SHC3: variants seen among roughly 807,000 people sequenced by gnomAD.
The protein encoded by SHC3 is SHC adaptor protein 3, also known as SHC-transforming protein 3.
In SHC3, 15 loss-of-function variants were observed where a neutral mutation model predicts 60.4. That is an observed-to-expected ratio of 0.25 (90% CI 0.17 to 0.38). The LOEUF (loss-of-function observed/expected upper bound fraction) is 0.38, where lower values mean the gene tolerates loss of function less well. Ranked by LOEUF, SHC3 falls within the 10% of genes least tolerant of loss-of-function variation. The pLI is 1.00. For missense variants in SHC3, 677 were observed against 786.1 expected, an observed-to-expected ratio of 0.86 and a Z score of 1.66; for synonymous variants, 294 against 325.9, an observed-to-expected ratio of 0.90 and a Z score of 1.05.
At chr9:89,061,882 A>G (rs1273937185) in intron 6 of SHC3, among the ~76,000 whole-genome samples, 2 of 152,182 alleles carry the variant, frequency 1.3e-5, no homozygotes, top group African/African-American at 2.4e-5. Context: ...TATCAGATCA[A>G]AAAAACATAG....
chr9:89,104,130 T>G (rs1039726165), intron 2 of SHC3, among the ~76,000 whole-genome samples: 1 of 152,156 alleles, frequency 6.6e-6, no homozygotes, highest in Non-Finnish European at 1.5e-5. Flanking sequence ...AAGTCATCTA[T>G]GTTCTCCATT....
At chr9:89,133,462 G>T (rs1041106085) in intron 1 of SHC3, among the ~76,000 whole-genome samples, 1 of 152,100 alleles carries the variant, frequency 6.6e-6, no homozygotes, top group African/African-American at 2.4e-5. Flanking sequence ...ATATGCACAC[G>T]TATGTTCACT....
At chr9:89,048,869 C>T (rs887546851) in intron 7 of SHC3, among the ~76,000 whole-genome samples, 2 of 152,070 alleles carry the variant, frequency 1.3e-5, no homozygotes, top group South Asian at 2.1e-4. Flanking sequence ...TAGTACCCTG[C>T]GGGACACCAG....
At chr9:89,096,235 T>C (rs962585827) in intron 2 of SHC3, among the ~76,000 whole-genome samples, 2 of 152,192 alleles carry the variant, frequency 1.3e-5, no homozygotes, top group Non-Finnish European at 1.5e-5. Context: ...CATGAGATGA[T>C]TGGAGATTCC....
chr9:89,070,808 T>C (rs1825258000), intron 5 of SHC3, among the ~76,000 whole-genome samples: 1 of 151,914 alleles, frequency 6.6e-6, no homozygotes, highest in African/African-American at 2.4e-5. Context: ...ACTAAGAAAA[T>C]TCACATTCTT....
intron 11 of SHC3, among the ~76,000 whole-genome samples, chr9:89,017,352 C>T (rs2118638133): frequency 6.6e-6 from 1 of 152,286 alleles, no homozygotes; most frequent in South Asian, 2.1e-4. Flanking sequence ...CACACATCTA[C>T]AACCATCTGA....
intron 6 of SHC3, among the ~76,000 whole-genome samples, chr9:89,065,233 C>T (rs1433702410): frequency 6.6e-6 from 1 of 152,138 alleles, no homozygotes. Flanking sequence ...AGCAGGTGGT[C>T]TTCCAGGAGT....
At chr9:89,127,423 A>T (rs1034734267) in intron 1 of SHC3, among the ~76,000 whole-genome samples, 1 of 152,196 alleles carries the variant, frequency 6.6e-6, no homozygotes, top group African/African-American at 2.4e-5. Flanking sequence ...TAAAGTGGAT[A>T]TTCAAGCTCT....
rs368053252 is a variant in SHC3 at position 89,042,057 on chromosome 9, C to G, written c.1329G>C (p.Glu443Asp). The change falls in exon 10 of 12, where the codon GAG (glutamate) becomes GAC (aspartate). Residue 443 changes from glutamate to aspartate, a missense_variant. Transcript: ENST00000375835. ...QAWPAAVSSA[E>D]SSPRKDLFDM... is the part of the protein sequence containing the mutation. ...CAAAGAGGTCTTTCCTTGGGCTGCT[C>G]TCAGCACTGCTGACCGCAGCCGGCC... The G allele has an allele frequency of 1.6e-5, 25 of 1,611,434 alleles. No homozygotes were observed. The highest frequency in any genetic ancestry group is 2.0e-5 in the Non-Finnish European group (24 of 1,179,434).
At chr9:89,162,746 A>G (rs1469998161) in intron 1 of SHC3, among the ~76,000 whole-genome samples, 2 of 150,406 alleles carry the variant, frequency 1.3e-5, no homozygotes, top group Non-Finnish European at 3.0e-5. Flanking sequence ...GACAAATGGG[A>G]TCTAATTAAA....
At chr9:89,032,544 T>C (rs1824507767) in intron 11 of SHC3, among the ~76,000 whole-genome samples, 1 of 152,182 alleles carries the variant, frequency 6.6e-6, no homozygotes, top group Non-Finnish European at 1.5e-5. Flanking sequence ...TCTGAAGATG[T>C]TGAAAAGTAA....
At chr9:89,125,342 T>C in intron 1 of SHC3, among the ~76,000 whole-genome samples, 1 of 152,160 alleles carries the variant, frequency 6.6e-6, no homozygotes, top group East Asian at 1.9e-4. Context: ...TCTTTAATTG[T>C]TTAATGTTAG....
intron 11 of SHC3, among the ~76,000 whole-genome samples, chr9:89,035,683 G>A (rs1824559934): frequency 6.6e-6 from 1 of 151,934 alleles, no homozygotes. Flanking sequence ...TCGGCCAGGT[G>A]TGGTGGCTCA....
intron 1 of SHC3, among the ~76,000 whole-genome samples, chr9:89,125,727 G>A (rs546941014): frequency 6.6e-5 from 10 of 152,182 alleles, no homozygotes; most frequent in African/African-American, 1.7e-4. Context: ...TCCCACCAGC[G>A]CCATGACAGT....
chr9:89,053,583 C>T (rs1824898176), intron 6 of SHC3, among the ~76,000 whole-genome samples: 2 of 152,188 alleles, frequency 1.3e-5, no homozygotes, highest in African/African-American at 2.4e-5. Context: ...TGTATTTCCT[C>T]GGAAGAGCAA....
chr9:89,125,550 G>C (rs958513325), intron 1 of SHC3, among the ~76,000 whole-genome samples: 1 of 152,062 alleles, frequency 6.6e-6, no homozygotes, highest in Non-Finnish European at 1.5e-5. Flanking sequence ...GACCTAAAGG[G>C]CTGCGTTCCC....
chr9:89,178,615 A>G lies in SHC3; in HGVS notation c.-155T>C. On this transcript the variant is annotated 5_prime_UTR_variant, in exon 1 of 12. Transcript: ENST00000375835. The surrounding 1 kb of genome is among the most constrained non-coding windows in gnomAD (Gnocchi z 6.9). ...TGGAGAACGAGAGCAGAGCAAGAGGATGGTGCCCTCCCACCGTTAAAAGCC... is the reference window on the plus strand; with the variant it reads ...TGGAGAACGAGAGCAGAGCAAGAGGGTGGTGCCCTCCCACCGTTAAAAGCC... 1 of 573,090 alleles carries G rather than the reference A, an allele frequency of 1.7e-6. No homozygotes were observed. Among genetic ancestry groups the G allele is most frequent in the Non-Finnish European group, 2.8e-6 (1 of 363,426 alleles). 35.5% of individuals were successfully genotyped at this position (573,090 alleles called of 1,614,324 possible).
chr9:89,084,858 C>G (rs1191475040), intron 2 of SHC3, among the ~76,000 whole-genome samples: 1 of 152,186 alleles, frequency 6.6e-6, no homozygotes, highest in East Asian at 1.9e-4. Flanking sequence ...GATGAGCCAT[C>G]AAGAAGCTGG....
At chr9:89,141,404 C>T (rs1372809525) in intron 1 of SHC3, among the ~76,000 whole-genome samples, 3 of 152,286 alleles carry the variant, frequency 2.0e-5, no homozygotes, top group Admixed American at 1.3e-4. Context: ...AGTAGCCTCA[C>T]AAATCTTTTT....
Sources: gnomAD v4.1 joint callset for allele counts (sites outside exome capture counted in the v4.1 genomes callset) on GRCh38, gnomAD v4.1.1 for gene constraint, Gnocchi (gnomAD v3.1) non-coding constraint, MANE v1.5 for transcripts, NCBI Gene and HGNC (gene_info 2026-07-23, HGNC 2026-07-21) for gene names.